Variants in ZC2HC1A observed in about 807,000 individuals in gnomAD.
The protein encoded by ZC2HC1A is zinc finger C2HC-type containing 1A.
In ZC2HC1A, 28 loss-of-function variants were observed where a neutral mutation model predicts 40.7. That is an observed-to-expected ratio of 0.69 (90% CI 0.51 to 0.94). ZC2HC1A has a LOEUF of 0.94. Ranked by LOEUF, ZC2HC1A falls within the 40% of genes least tolerant of loss-of-function variation. The pLI, the probability that ZC2HC1A is intolerant of heterozygous loss-of-function variation, is 0.00. For missense variants in ZC2HC1A, 389 were observed against 386.3 expected (o/e 1.01, Z -0.06); for synonymous variants, 129 against 129.2 (o/e 1.00, Z 0.01).
intron 1 of ZC2HC1A, among the ~76,000 whole-genome samples, chr8:78,674,610 T>G (rs1809521560): frequency 6.6e-6 from 1 of 152,138 alleles, no homozygotes; most frequent in Admixed American, 6.6e-5. Context: ...GTTGACTGCT[T>G]AACTGCTACT....
At chr8:78,706,789 A>G (rs1810787067) in intron 7 of ZC2HC1A, among the ~76,000 whole-genome samples, 2 of 152,184 alleles carry the variant, frequency 1.3e-5, no homozygotes, top group Admixed American at 1.3e-4. Flanking sequence ...ATATCTGTCA[A>G]ATGATAGTAA....
Position 78,717,903 on chromosome 8 carries a change from G to T in ZC2HC1A, c.*410G>T. ...AATTTGGATAAACATTTGTATTATT[G>T]GTGCCTATCTTCAGATAGTATCATA... On this transcript the variant is annotated 3_prime_UTR_variant, in exon 9 of 9. Transcript: ENST00000263849. The T allele has an allele frequency of 6.4e-6, 1 of 155,472 alleles. No homozygotes were observed. The highest frequency in any genetic ancestry group is 1.4e-5 in the Non-Finnish European group (1 of 69,946). The allele number at this position is 155,472 out of a possible 1,614,324, so 9.6% of individuals were successfully genotyped here. A position where few individuals can be genotyped will look rare whatever the true frequency, so the allele number is the denominator to read the frequency against.
intron 7 of ZC2HC1A, among the ~76,000 whole-genome samples, chr8:78,710,737 T>G (rs1356169854): frequency 6.6e-6 from 1 of 152,066 alleles, no homozygotes; most frequent in African/African-American, 2.4e-5. Context: ...TTTAACAAAT[T>G]AAAAACAAAT....
intron 7 of ZC2HC1A, among the ~76,000 whole-genome samples, chr8:78,703,561 G>A (rs995080701): frequency 1.7e-5 from 2 of 119,276 alleles, no homozygotes; most frequent in East Asian, 2.5e-4. Context: ...TTAAATCTTT[G>A]TTGGTTTAAA....
intron 5 of ZC2HC1A, among the ~76,000 whole-genome samples, chr8:78,689,886 A>G: frequency 6.6e-6 from 1 of 152,138 alleles, no homozygotes; most frequent in East Asian, 1.9e-4. Flanking sequence ...TGCCTATACT[A>G]GGATTGCAAA....
Position 78,689,353 on chromosome 8 carries a change from C to A in ZC2HC1A, c.484C>A (p.Pro162Thr). 6.3e-7 allele frequency: 1 copy of A among 1,595,762 alleles called. No homozygotes were observed. ...ATTTTCTACAGATACCAAAGGAAAA[C>A]CAACTTCTCGGACACAGGTGGTAAG... ...GKFSTDTKGKPTSRTQVYKPP... is the reference protein window; with the variant it reads ...GKFSTDTKGKTTSRTQVYKPP... Residue 162 changes from proline (P) to threonine (T), a missense_variant, in exon 5 of 9, where the codon CCA (proline) becomes ACA (threonine). Pro to Thr is a conservative substitution (Grantham distance 38). Transcript: ENST00000263849.
At chr8:78,688,731 T>C (rs1810107323) in intron 4 of ZC2HC1A, among the ~76,000 whole-genome samples, 1 of 152,160 alleles carries the variant, frequency 6.6e-6, no homozygotes, top group Non-Finnish European at 1.5e-5. Context: ...GTTGGGACTT[T>C]TAAGAGAAAA....
At chr8:78,673,357 A>C (rs1034503051) in intron 1 of ZC2HC1A, among the ~76,000 whole-genome samples, 2 of 152,140 alleles carry the variant, frequency 1.3e-5, no homozygotes, top group Non-Finnish European at 2.9e-5. Context: ...GCTATTGTAA[A>C]TAGTGCTGCA....
rs1188682526 is a variant in ZC2HC1A, at chr8:78,708,676, T to TTTTTTC, written c.705-6540_705-6539insCTTTTT. Among the ~76,000 whole-genome samples the TTTTTTC allele has an allele frequency of 1.3e-5, 2 of 151,408 alleles. 1 individual carries two copies. On this transcript the variant is annotated intron_variant, in intron 7 of 8. Coordinates refer to ENST00000263849, the MANE Select transcript of ZC2HC1A (RefSeq NM_016010.3). Reference sequence around the variant, plus strand: ...CTTCTTCTAAAAGATGATTATCTTTTTTTTTTCTTTTTTTTTTTTTTGAGA... The same window carrying TTTTTTC: ...CTTCTTCTAAAAGATGATTATCTTTTTTTTTCTTTTTTCTTTTTTTTTTTTTTGAGA...
chr8:78,717,423 G>A lies in ZC2HC1A; in HGVS notation c.908G>A (p.Cys303Tyr). 6.2e-7 allele frequency: 1 copy of A among 1,613,330 alleles called. No homozygotes were observed. The highest frequency in any genetic ancestry group is 8.5e-7 in the Non-Finnish European group (1 of 1,179,812). ...PGNLPKFCHE[C>Y]GTKYPVEWAK... ...AACTTACCAAAATTCTGCCATGAGT[G>A]TGGGACTAAATACCCTGTAGAATGG... Residue 303 changes from cysteine to tyrosine, a missense_variant, in exon 9 of 9, where the codon TGT (cysteine) becomes TAT (tyrosine). Cys to Tyr is a radical substitution (Grantham distance 194, BLOSUM62 -2). Transcript: ENST00000263849.
intron 7 of ZC2HC1A, among the ~76,000 whole-genome samples, chr8:78,706,598 C>A (rs1278473852): frequency 6.6e-6 from 1 of 152,114 alleles, no homozygotes; most frequent in African/African-American, 2.4e-5. Context: ...GGCTGTCATC[C>A]TGCCTCTCTT....
rs1425712545 is a variant in ZC2HC1A at position 78,694,283 on chromosome 8, CTTGT to C, written c.505-3121_505-3118del. Among the ~76,000 whole-genome samples, 7 of 80,332 alleles carry C rather than the reference CTTGT, an allele frequency of 8.7e-5. No individual in the cohort carries two copies. The Admixed American group carries it at 9.7e-4, about 11-fold the overall frequency. 52.7% of individuals were successfully genotyped at this position (80,332 alleles called of 152,430 possible). A position where few individuals can be genotyped will look rare whatever the true frequency, so the allele number is the denominator to read the frequency against. The stretch of plus-strand genomic sequence containing the variant: ...TCAAGTGACTTGTATGGATATGTTC[CTTGT>C]TTTTTTTTTTTTCTCATTCAGTTTC... On this transcript the variant is annotated intron_variant, in intron 5 of 8. Coordinates refer to ENST00000263849, the MANE Select transcript of ZC2HC1A (RefSeq NM_016010.3).
Position 78,697,273 on chromosome 8 carries a change from C to T in ZC2HC1A, c.505-134C>T, listed in dbSNP as rs1022182454. 9.2e-6 allele frequency: 6 copies of T among 653,908 alleles called. No individual in the cohort carries two copies. In the African/African-American group the frequency reaches 1.1e-4, roughly 12 times the overall value. The allele number at this position is 653,908 out of a possible 1,614,324, so 40.5% of individuals were successfully genotyped here. A position where few individuals can be genotyped will look rare whatever the true frequency, so the allele number is the denominator to read the frequency against. On this transcript the variant is annotated intron_variant, in intron 5 of 8. Transcript: ENST00000263849. ...ATTAATGATGTGCAACCATCATCACCATTCATTTCCACAACTCTTTTCATC... is the reference window on the plus strand; with the variant it reads ...ATTAATGATGTGCAACCATCATCACTATTCATTTCCACAACTCTTTTCATC...
At chr8:78,701,726 C>G (rs767211658) in intron 7 of ZC2HC1A, among the ~76,000 whole-genome samples, 34 of 152,116 alleles carry the variant, frequency 2.2e-4, no homozygotes, top group Non-Finnish European at 1.5e-5. Flanking sequence ...TATTGAAAAC[C>G]TTTTCGTCAT....
intron 5 of ZC2HC1A, among the ~76,000 whole-genome samples, chr8:78,690,806 A>G (rs546752048): frequency 6.6e-6 from 1 of 152,226 alleles, no homozygotes; most frequent in South Asian, 2.1e-4. Flanking sequence ...GGTCATACAC[A>G]TGTTTTGTTA....
At chr8:78,711,385 T>C (rs967038691) in intron 7 of ZC2HC1A, among the ~76,000 whole-genome samples, 30 of 152,196 alleles carry the variant, frequency 2.0e-4, no homozygotes, top group African/African-American at 6.7e-4. Context: ...TGTGTGTATA[T>C]ATAGGCCCCT....
chr8:78,716,779 G>A (rs1056942584), intron 8 of ZC2HC1A, among the ~76,000 whole-genome samples: 2 of 152,118 alleles, frequency 1.3e-5, no homozygotes, highest in African/African-American at 4.8e-5. Context: ...GTTAGAGGAG[G>A]GGCCTGGTGA....
chr8:78,713,899 A>G (rs1325007407), intron 7 of ZC2HC1A, among the ~76,000 whole-genome samples: 1 of 152,204 alleles, frequency 6.6e-6, no homozygotes, highest in African/African-American at 2.4e-5. Context: ...AGGCATGTGT[A>G]GTATCTGGCT....
intron 3 of ZC2HC1A, among the ~76,000 whole-genome samples, chr8:78,684,576 A>G (rs1809899228): frequency 6.6e-6 from 1 of 152,204 alleles, no homozygotes; most frequent in Admixed American, 6.5e-5. Context: ...AGACTAGATA[A>G]AATCATCTTT....
Sources: gnomAD v4.1 joint callset for allele counts (sites outside exome capture counted in the v4.1 genomes callset) on GRCh38, gnomAD v4.1.1 for gene constraint, MANE v1.5 for transcripts, NCBI Gene and HGNC (gene_info 2026-07-23, HGNC 2026-07-21) for gene names.